The following ASTN2 variants were observed in gnomAD, a reference collection of about 807,000 sequenced individuals.
ASTN2 encodes astrotactin-2.
In ASTN2, 54 loss-of-function variants were observed where a neutral mutation model predicts 139.8. That is an observed-to-expected ratio of 0.39 (90% CI 0.31 to 0.48). The LOEUF is 0.48. Ranked by LOEUF, ASTN2 falls within the 20% of genes least tolerant of loss-of-function variation. ASTN2 has a pLI of 0.95. For synonymous variants in ASTN2, 756 were observed against 719.5 expected (o/e 1.05, Z -0.81); for missense variants, 1,565 against 1,725.1 (o/e 0.91, Z 1.64).
intron 1 of ASTN2, among the ~76,000 whole-genome samples, chr9:117,406,346 A>T (rs1473503693): frequency 6.6e-6 from 1 of 152,200 alleles, no homozygotes; most frequent in Non-Finnish European, 1.5e-5. Context: ...TTGAAACATA[A>T]GTCAGACCTT....
At chr9:116,784,376 C>T (rs1830304792) in intron 13 of ASTN2, among the ~76,000 whole-genome samples, 1 of 152,226 alleles carries the variant, frequency 6.6e-6, no homozygotes, top group African/African-American at 2.4e-5. Flanking sequence ...GCACTTGAAG[C>T]ACCTTGCAGA....
At chr9:116,443,130 C>G (rs1282016979) in intron 20 of ASTN2, among the ~76,000 whole-genome samples, 1 of 152,168 alleles carries the variant, frequency 6.6e-6, no homozygotes, top group Admixed American at 6.5e-5. Flanking sequence ...AATGCGGGAG[C>G]ATGGGGAGTA....
intron 13 of ASTN2, among the ~76,000 whole-genome samples, chr9:116,765,967 C>T (rs1013453120): frequency 6.6e-6 from 1 of 152,056 alleles, no homozygotes; most frequent in Non-Finnish European, 1.5e-5. Context: ...CGTTGTGTGG[C>T]CTTGGGCAAA....
At chr9:117,245,039 T>C (rs62564709) in intron 2 of ASTN2, among the ~76,000 whole-genome samples, 37,411 of 151,786 alleles carry the variant, frequency 0.25, 5,483 homozygotes, top group South Asian at 0.34. Context: ...AGACATATCA[T>C]GATACAAGTA....
chr9:116,936,225 TACC>T (rs1564349214), intron 10 of ASTN2, among the ~76,000 whole-genome samples: 8 of 76,970 alleles, frequency 1.0e-4, no homozygotes, highest in Admixed American at 1.2e-4. Flanking sequence ...CCACCACCAC[TACC>T]ACCATCACCA....
At chr9:116,760,790 T>C (rs1348033201) in intron 13 of ASTN2, among the ~76,000 whole-genome samples, 1 of 152,152 alleles carries the variant, frequency 6.6e-6, no homozygotes, top group Non-Finnish European at 1.5e-5. Context: ...TGTGCCACCC[T>C]GATTAACTGG....
chr9:116,447,970 A>G (rs1848053361), intron 20 of ASTN2, among the ~76,000 whole-genome samples: 1 of 152,172 alleles, frequency 6.6e-6, no homozygotes, highest in Non-Finnish European at 1.5e-5. Flanking sequence ...AATGAAACCA[A>G]GAAGTTAATT....
intron 1 of ASTN2, among the ~76,000 whole-genome samples, chr9:117,393,800 G>A (rs1830605979): frequency 6.6e-6 from 1 of 151,678 alleles, no homozygotes. Flanking sequence ...AGACTCTGGG[G>A]TGCAGTGGGG....
At chr9:116,514,298 A>G (rs10283554) in intron 19 of ASTN2, among the ~76,000 whole-genome samples, 145,049 of 146,152 alleles carry the variant, frequency 0.99, 71,989 homozygotes, top group South Asian at 1. Context: ...TATCAGCAGC[A>G]GAGGCTGCAG....
intron 19 of ASTN2, among the ~76,000 whole-genome samples, chr9:116,513,013 ATTG>A (rs1156319288): frequency 2.6e-5 from 4 of 152,148 alleles, no homozygotes; most frequent in African/African-American, 4.8e-5. Context: ...TAAGGTTAAT[ATTG>A]TTATGTGTGA....
chr9:117,389,902 G>A (rs778107952), intron 1 of ASTN2, among the ~76,000 whole-genome samples: 1 of 152,082 alleles, frequency 6.6e-6, no homozygotes, highest in Non-Finnish European at 1.5e-5. Context: ...AGTGTATTCG[G>A]GGGTAGGTGA....
chr9:116,859,349 C>G (rs149461475), intron 11 of ASTN2, among the ~76,000 whole-genome samples: 1 of 152,174 alleles, frequency 6.6e-6, no homozygotes, highest in African/African-American at 2.4e-5. Flanking sequence ...GGCCAATTAC[C>G]TATATGAGAA....
intron 2 of ASTN2, among the ~76,000 whole-genome samples, chr9:117,251,804 T>A: frequency 6.6e-6 from 1 of 152,126 alleles, no homozygotes; most frequent in East Asian, 1.9e-4. Context: ...CCAGGGAAGA[T>A]GATAGTGTAA....
Position 116,838,101 on chromosome 9 carries a change from G to GTTTTTTT in ASTN2, c.2041-17325_2041-17319dup, listed in dbSNP as rs752512675. Reference sequence around the variant, plus strand: ...CTGGATTCCAGTTCTGCCTGGCTGTGTTTTTTTTTGTTTTGTTTTGTTTTT... The same window carrying GTTTTTTT: ...CTGGATTCCAGTTCTGCCTGGCTGTGTTTTTTTTTTTTTTTTGTTTTGTTTTGTTTTT... On this transcript the variant is annotated intron_variant, in intron 11 of 22. Transcript: ENST00000313400. Among the ~76,000 whole-genome samples the GTTTTTTT allele has an allele frequency of 1.1e-4, 15 of 134,138 alleles. 1 individual carries two copies. Among genetic ancestry groups the GTTTTTTT allele is most frequent in the Non-Finnish European group, 9.3e-5 (6 of 64,386 alleles). The allele number at this position is 134,138 out of a possible 152,430, so 88.0% of individuals were successfully genotyped here. A position where few individuals can be genotyped will look rare whatever the true frequency, so the allele number is the denominator to read the frequency against.
At position 116,763,612 on chromosome 9, in the gene ASTN2, A is replaced by G. The variant is rs111793930; in HGVS notation, c.2397-30089T>C. Among the ~76,000 whole-genome samples, 49 of 152,252 alleles carry G rather than the reference A, an allele frequency of 3.2e-4. 2 individuals carry two copies. The highest frequency in any genetic ancestry group is 1.1e-3 in the African/African-American group (46 of 41,546). Reference sequence around the variant, plus strand: ...TGTTTAAGGATGTAGAGTCAGCTAGACCTGGATGTTCATCCTAACTCCCAC... The same window carrying G: ...TGTTTAAGGATGTAGAGTCAGCTAGGCCTGGATGTTCATCCTAACTCCCAC... On this transcript the variant is annotated intron_variant, in intron 13 of 22. Transcript: ENST00000313400.
chr9:117,012,478 CAT>C (rs769593314), intron 6 of ASTN2, among the ~76,000 whole-genome samples: 1 of 152,132 alleles, frequency 6.6e-6, no homozygotes, highest in Non-Finnish European at 1.5e-5. Context: ...AAGAAATAGA[CAT>C]AGAGACTAAG....
At chr9:117,027,488 T>C (rs1323702143) in intron 6 of ASTN2, among the ~76,000 whole-genome samples, 1 of 152,170 alleles carries the variant, frequency 6.6e-6, no homozygotes, top group Non-Finnish European at 1.5e-5. Context: ...TGCTACCTGC[T>C]CCTGCCACAC....
intron 2 of ASTN2, among the ~76,000 whole-genome samples, chr9:117,257,246 A>G (rs1189034046): frequency 6.6e-6 from 1 of 152,196 alleles, no homozygotes; most frequent in Admixed American, 6.5e-5. Flanking sequence ...TAAAAGGACT[A>G]GAGTTTGGGG....
At chr9:117,359,901 G>A (rs773093903) in intron 1 of ASTN2, among the ~76,000 whole-genome samples, 3 of 152,124 alleles carry the variant, frequency 2.0e-5, no homozygotes, top group Non-Finnish European at 4.4e-5. Context: ...AATAATAAGT[G>A]GATGAAGAAA....
Sources: allele counts gnomAD v4.1 joint callset (sites outside exome capture counted in the v4.1 genomes callset), GRCh38; gene constraint gnomAD v4.1.1; transcripts MANE v1.5; gene names NCBI Gene and HGNC (gene_info 2026-07-23, HGNC 2026-07-21).